The following PRKCA variants were observed in gnomAD, a reference collection of about 807,000 sequenced individuals.
PRKCA encodes protein kinase C alpha, also known as protein kinase C alpha type.
In PRKCA, 27 loss-of-function variants were observed where a neutral mutation model predicts 87.0. The observed-to-expected ratio is 0.31, with a 90% CI of 0.23 to 0.43. PRKCA has a LOEUF of 0.43. PRKCA is among the 20% of genes least tolerant of loss of function. PRKCA has a pLI of 1.00. For synonymous variants in PRKCA, 329 were observed against 311.1 expected, an observed-to-expected ratio of 1.06 and a Z score of -0.61; for missense variants, 518 against 852.3, an observed-to-expected ratio of 0.61 and a Z score of 4.88.
chr17:66,757,445 G>T (rs77255068), intron 13 of PRKCA, among the ~76,000 whole-genome samples: 3,096 of 151,980 alleles, frequency 0.02, 44 homozygotes, highest in East Asian at 0.05. Flanking sequence ...AAAACAAAAA[G>T]CTAGGCATAT....
chr17:66,763,475 G>C (rs921124922), intron 13 of PRKCA, among the ~76,000 whole-genome samples: 10 of 152,236 alleles, frequency 6.6e-5, no homozygotes, highest in African/African-American at 1.9e-4. Context: ...GGTGCTGTTT[G>C]GACGCGTCAG....
chr17:66,750,770 A>G lies in PRKCA; in HGVS notation c.1524+8010A>G, dbSNP rs150435214. The stretch of plus-strand genomic sequence containing the variant: ...GTTTATTTTGTTTAATCCTAAGTCA[A>G]TTCTAATTCCTGGATGGTGAAACTG... On this transcript the variant is annotated intron_variant, in intron 13 of 16. Transcript: ENST00000413366. Among the ~76,000 whole-genome samples, 524 of 152,262 alleles carry G rather than the reference A, an allele frequency of 3.4e-3. 3 individuals carry two copies. The highest frequency in any genetic ancestry group is 6.1e-3 in the Non-Finnish European group (418 of 68,018).
intron 16 of PRKCA, among the ~76,000 whole-genome samples, chr17:66,797,269 T>C (rs1161024170): frequency 6.6e-6 from 1 of 152,230 alleles, no homozygotes; most frequent in Non-Finnish European, 1.5e-5. Flanking sequence ...GGGGGCACAC[T>C]GCAATCCCAG....
At chr17:66,776,141 A>G (rs1446902755) in intron 14 of PRKCA, among the ~76,000 whole-genome samples, 1 of 152,192 alleles carries the variant, frequency 6.6e-6, no homozygotes, top group Non-Finnish European at 1.5e-5. Context: ...TGAGCTAGAG[A>G]GGGAGGGAGT....
At chr17:66,485,891 T>C (rs7225699) in intron 2 of PRKCA, among the ~76,000 whole-genome samples, 53,091 of 151,958 alleles carry the variant, frequency 0.35, 9,744 homozygotes, top group Middle Eastern at 0.47. Flanking sequence ...CTTAAAAATA[T>C]TGCAGAGAGA....
intron 2 of PRKCA, among the ~76,000 whole-genome samples, chr17:66,475,829 T>C (rs1915512593): frequency 6.6e-6 from 1 of 152,196 alleles, no homozygotes; most frequent in Non-Finnish European, 1.5e-5. Flanking sequence ...TTGCAGTCAA[T>C]GAAGATTTTC....
intron 2 of PRKCA, among the ~76,000 whole-genome samples, chr17:66,439,447 T>C (rs1308972987): frequency 1.3e-5 from 2 of 152,234 alleles, no homozygotes; most frequent in African/African-American, 4.8e-5. Flanking sequence ...CCCGAAGTGC[T>C]GGGATTACAG....
intron 3 of PRKCA, among the ~76,000 whole-genome samples, chr17:66,585,234 G>T (rs1213673494): frequency 6.6e-6 from 1 of 152,178 alleles, no homozygotes; most frequent in Non-Finnish European, 1.5e-5. Flanking sequence ...CCAGCGCCAT[G>T]TTGCCTGCTT....
At chr17:66,673,589 A>G (rs1157164102) in intron 5 of PRKCA, among the ~76,000 whole-genome samples, 2 of 152,252 alleles carry the variant, frequency 1.3e-5, no homozygotes, top group Admixed American at 6.5e-5. Flanking sequence ...AAGAGATCAC[A>G]TCAGAAATTC....
At position 66,439,306 on chromosome 17, in the gene PRKCA, G is replaced by A. The variant is rs183928459; in HGVS notation, c.206-56895G>A. On this transcript the variant is annotated intron_variant, in intron 2 of 16. Coordinates refer to ENST00000413366, the MANE Select transcript of PRKCA (RefSeq NM_002737.3). ...AGTGACTCTTCTGCCTCAGCCTCCCGAGTAGCTGGGACTACAGGTGTGCAC... is the reference window on the plus strand; with the variant it reads ...AGTGACTCTTCTGCCTCAGCCTCCCAAGTAGCTGGGACTACAGGTGTGCAC... 3.2e-4 allele frequency among the ~76,000 whole-genome samples: 48 copies of A among 151,930 alleles called. 1 individual carries two copies. Among genetic ancestry groups the A allele is most frequent in the African/African-American group, 1.0e-3 (43 of 41,444 alleles).
At chr17:66,364,661 T>C (rs1488349057) in intron 2 of PRKCA, among the ~76,000 whole-genome samples, 1 of 152,168 alleles carries the variant, frequency 6.6e-6, no homozygotes, top group African/African-American at 2.4e-5. Flanking sequence ...GCCTGGCAGC[T>C]GCCCGTAACG....
At chr17:66,503,116 T>G (rs760974139) in intron 3 of PRKCA, among the ~76,000 whole-genome samples, 5 of 152,116 alleles carry the variant, frequency 3.3e-5, no homozygotes, top group Non-Finnish European at 7.4e-5. Flanking sequence ...TAAGGGGTGG[T>G]GGGGGAGAGA....
At chr17:66,733,767 G>A (rs902203554) in intron 9 of PRKCA, among the ~76,000 whole-genome samples, 1 of 152,160 alleles carries the variant, frequency 6.6e-6, no homozygotes, top group Non-Finnish European at 1.5e-5. Flanking sequence ...ACTCCAGCCT[G>A]GGCAACAGAG....
chr17:66,409,445 C>T (rs908696505), intron 2 of PRKCA, among the ~76,000 whole-genome samples: 20 of 152,152 alleles, frequency 1.3e-4, no homozygotes. Flanking sequence ...GATGGAAAAA[C>T]TTAGGAAAGC....
At chr17:66,426,999 C>T (rs1280909198) in intron 2 of PRKCA, among the ~76,000 whole-genome samples, 8 of 152,096 alleles carry the variant, frequency 5.3e-5, no homozygotes, top group Non-Finnish European at 1.0e-4. Context: ...GGTTGGCAAA[C>T]TATGGTCCAT....
chr17:66,718,456 G>A (rs1905927843), intron 8 of PRKCA, among the ~76,000 whole-genome samples: 2 of 152,192 alleles, frequency 1.3e-5, no homozygotes, highest in Admixed American at 1.3e-4. Context: ...AGGACTACAG[G>A]TGCACGCCAC....
intron 2 of PRKCA, among the ~76,000 whole-genome samples, chr17:66,428,205 C>T (rs1199529121): frequency 1.3e-5 from 2 of 152,140 alleles, no homozygotes; most frequent in East Asian, 1.9e-4. Flanking sequence ...CCAGAGTCAA[C>T]AGGGATAAAG....
chr17:66,714,529 C>T (rs190483056), intron 8 of PRKCA, among the ~76,000 whole-genome samples: 5 of 152,234 alleles, frequency 3.3e-5, no homozygotes, highest in Admixed American at 2.6e-4. Flanking sequence ...TCCACCCCCT[C>T]GTCTCTTCCC....
intron 13 of PRKCA, among the ~76,000 whole-genome samples, chr17:66,759,676 TAACTC>T (rs1974637086): frequency 6.6e-6 from 1 of 152,308 alleles, no homozygotes; most frequent in African/African-American, 2.4e-5. Context: ...AAACAAGACT[TAACTC>T]TATGCAAGAA....
Sources: gnomAD v4.1 joint callset for allele counts (sites outside exome capture counted in the v4.1 genomes callset) on GRCh38, gnomAD v4.1.1 for gene constraint, MANE v1.5 for transcripts, NCBI Gene and HGNC (gene_info 2026-07-23, HGNC 2026-07-21) for gene names.